ART3: variants seen among roughly 807,000 people sequenced by gnomAD.
ART3 encodes ecto-ADP-ribosyltransferase 3.
In ART3, 49 loss-of-function variants were observed where a neutral mutation model predicts 48.5. That is an observed-to-expected ratio of 1.01 (90% CI 0.80 to 1.28). The LOEUF is 1.28. ART3 is among the 50% of genes most tolerant of loss of function. The pLI, the probability that ART3 is intolerant of heterozygous loss-of-function variation, is 0.00. For missense variants in ART3, 438 were observed against 454.3 expected (o/e 0.96, Z 0.33); for synonymous variants, 145 against 157.2 (o/e 0.92, Z 0.58).
At position 76,112,076 on chromosome 4, in the gene ART3, T is replaced by C. The variant is rs1170821541; in HGVS notation, c.1037-310T>C. 1.6e-5 allele frequency: 4 copies of C among 251,416 alleles called. No homozygotes were observed. In the East Asian group the frequency reaches 2.6e-4, roughly 16 times the overall value. 15.6% of individuals were successfully genotyped at this position (251,416 alleles called of 1,614,324 possible). A position where few individuals can be genotyped will look rare whatever the true frequency, so the allele number is the denominator to read the frequency against. On this transcript the variant is annotated intron_variant, in intron 11 of 11. Coordinates refer to ENST00000355810, the MANE Select transcript of ART3 (RefSeq NM_001130016.3). ...ATATGTTAATCAACAATTTCTATTA[T>C]CAGTAAGGCTTCCAGTTAATGGTAG...
At chr4:76,074,113 A>G (rs190863792), upstream of ART3, among the ~76,000 whole-genome samples, 70 of 152,314 alleles carry the variant, frequency 4.6e-4, no homozygotes, top group Middle Eastern at 0.01. Context: ...TTTACCATGT[A>G]TGCGTTACTC....
chr4:76,024,844 A>G (rs1315678749), intron 1 of ART3, among the ~76,000 whole-genome samples: 1 of 152,188 alleles, frequency 6.6e-6, no homozygotes, highest in Non-Finnish European at 1.5e-5. Flanking sequence ...AGGCTACTGT[A>G]CTAGGCAGAT....
At chr4:76,044,662 T>G (rs1427847942) in intron 1 of ART3, among the ~76,000 whole-genome samples, 1 of 151,930 alleles carries the variant, frequency 6.6e-6, no homozygotes, top group Admixed American at 6.6e-5. Flanking sequence ...TCTTTCTGAC[T>G]CCTTTTCTTT....
chr4:76,088,662 G>A (rs1724155246), intron 3 of ART3, among the ~76,000 whole-genome samples: 1 of 152,086 alleles, frequency 6.6e-6, no homozygotes, highest in East Asian at 1.9e-4. Context: ...GTCTGGGATT[G>A]TCTAAGATTG....
upstream of ART3, among the ~76,000 whole-genome samples, chr4:76,074,080 TC>T (rs1406488952): frequency 6.6e-6 from 1 of 152,218 alleles, no homozygotes; most frequent in Admixed American, 6.5e-5. Flanking sequence ...CCCTAAGTGT[TC>T]CTCAGCATTG....
upstream of ART3, among the ~76,000 whole-genome samples, chr4:76,072,465 A>T (rs558006314): frequency 6.6e-6 from 1 of 152,016 alleles, no homozygotes; most frequent in Admixed American, 6.6e-5. Flanking sequence ...CAGCAACAAC[A>T]CACATACACA....
At chr4:76,097,005 T>G (rs1211833847) in intron 3 of ART3, among the ~76,000 whole-genome samples, 1 of 152,172 alleles carries the variant, frequency 6.6e-6, no homozygotes, top group Non-Finnish European at 1.5e-5. Flanking sequence ...CAGGTAAATT[T>G]TCTCCTAAAT....
intron 1 of ART3, among the ~76,000 whole-genome samples, chr4:76,056,142 A>G (rs1036220736): frequency 2.0e-5 from 3 of 152,122 alleles, no homozygotes; most frequent in African/African-American, 7.2e-5. Context: ...CCTCTACCCC[A>G]CTACCTTTCT....
chr4:76,039,908 C>G (rs1043554379), intron 1 of ART3, among the ~76,000 whole-genome samples: 2 of 152,202 alleles, frequency 1.3e-5, no homozygotes, highest in African/African-American at 4.8e-5. Context: ...TCACAATTTT[C>G]TCCTTCAGTA....
chr4:76,031,746 G>A (rs1477152302), intron 1 of ART3, among the ~76,000 whole-genome samples: 1 of 152,128 alleles, frequency 6.6e-6, no homozygotes, highest in Non-Finnish European at 1.5e-5. Context: ...CATTCAATAG[G>A]GTCTGATATG....
At chr4:76,025,416 G>T (rs4371639) in intron 1 of ART3, among the ~76,000 whole-genome samples, 93,009 of 152,000 alleles carry the variant, frequency 0.61, 29,523 homozygotes, top group East Asian at 0.94. Flanking sequence ...GTAAAAAGGA[G>T]ATACTTGATA....
chr4:76,079,176 TAAAAAA>T (rs35036561), intron 2 of ART3, among the ~76,000 whole-genome samples: 1 of 130,874 alleles, frequency 7.6e-6, no homozygotes, highest in Non-Finnish European at 1.6e-5. Flanking sequence ...TCATCTTTGT[TAAAAAA>T]AAAAAAAAAA....
upstream of ART3, among the ~76,000 whole-genome samples, chr4:76,069,793 T>C (rs1342600488): frequency 6.6e-6 from 1 of 151,582 alleles, no homozygotes; most frequent in Non-Finnish European, 1.5e-5. Flanking sequence ...TCTAGACCAC[T>C]TTTTGACTAT....
chr4:76,022,707 GA>G, intron 1 of ART3: 6 of 1,613,790 alleles, frequency 3.7e-6, no homozygotes, highest in Non-Finnish European at 5.1e-6. Context: ...TCAACACGTG[GA>G]CAAAATTGGC....
chr4:76,110,290 G>GTAT (rs1365239511), intron 11 of ART3, among the ~76,000 whole-genome samples: 4 of 152,144 alleles, frequency 2.6e-5, no homozygotes, highest in Non-Finnish European at 5.9e-5. Flanking sequence ...ATTGTATTAG[G>GTAT]TATTATAAGA....
intron 3 of ART3, among the ~76,000 whole-genome samples, chr4:76,088,183 T>G (rs993592569): frequency 6.6e-6 from 1 of 151,858 alleles, no homozygotes; most frequent in Non-Finnish European, 1.5e-5. Context: ...GCAAATATAC[T>G]AGGTTTATAG....
intron 1 of ART3, among the ~76,000 whole-genome samples, chr4:76,038,692 C>G (rs908629854): frequency 6.7e-6 from 1 of 149,398 alleles, no homozygotes; most frequent in Non-Finnish European, 1.5e-5. Context: ...CAAATCCACC[C>G]TTGATTATTT....
intron 1 of ART3, among the ~76,000 whole-genome samples, chr4:76,047,431 T>C (rs1735614016): frequency 6.6e-6 from 1 of 151,984 alleles, no homozygotes; most frequent in Non-Finnish European, 1.5e-5. Flanking sequence ...CTGCGGCTGA[T>C]TGGGTAATAA....
intron 3 of ART3, among the ~76,000 whole-genome samples, chr4:76,096,084 G>A (rs1349139114): frequency 6.6e-6 from 1 of 152,042 alleles, no homozygotes; most frequent in African/African-American, 2.4e-5. Context: ...CATCACGCTG[G>A]ACTAATTTTT....
Sources: gnomAD v4.1 joint callset for allele counts (sites outside exome capture counted in the v4.1 genomes callset) on GRCh38, gnomAD v4.1.1 for gene constraint, MANE v1.5 for transcripts, NCBI Gene and HGNC (gene_info 2026-07-23, HGNC 2026-07-21) for gene names.